Variants in VAV2 observed in about 807,000 individuals in gnomAD.
VAV2 encodes vav guanine nucleotide exchange factor 2.
Under a neutral mutation model 132.5 loss-of-function variants are expected in VAV2, and 67 were observed. The ratio of observed to expected loss-of-function variants is 0.51; its 90% CI spans 0.42 to 0.62. The LOEUF is 0.62. Among genes scored for constraint, VAV2 ranks in the 20% least tolerant of loss-of-function variants. The probability of loss-of-function intolerance (pLI) is 0.00; values close to 1 mark genes in which losing one functional copy is unlikely to be tolerated. For missense variants in VAV2, 938 were observed against 1,153.6 expected, an observed-to-expected ratio of 0.81 and a Z score of 2.71; for synonymous variants, 492 against 443.5, an observed-to-expected ratio of 1.11 and a Z score of -1.37.
chr9:133,794,671 C>G lies in VAV2; in HGVS notation c.1101+997G>C, dbSNP rs1047320847. 2.6e-5 allele frequency among the ~76,000 whole-genome samples: 4 copies of G among 152,172 alleles called. No individual in the cohort carries two copies. The highest frequency in any genetic ancestry group is 9.7e-5 in the African/African-American group (4 of 41,444). On this transcript the variant is annotated intron_variant, in intron 12 of 29. Coordinates refer to ENST00000371850, the MANE Select transcript of VAV2 (RefSeq NM_001134398.2). The surrounding 1 kb of genome is among the most constrained non-coding windows in gnomAD (Gnocchi z 4.6). The stretch of plus-strand genomic sequence containing the variant: ...GGACTGCAGCCCTGAGGGGGGCTGG[C>G]AGAGGTGTCCTGTGCTCCCGACGAG...
Position 133,969,742 on chromosome 9 carries a change from C to T in VAV2, c.204+22333G>A, listed in dbSNP as rs779531046. Among the ~76,000 whole-genome samples the T allele has an allele frequency of 3.9e-5, 6 of 152,232 alleles. No individual in the cohort carries two copies. The highest frequency in any genetic ancestry group is 1.9e-4 in the East Asian group (1 of 5,170). On this transcript the variant is annotated intron_variant, in intron 1 of 29. Transcript: ENST00000371850. The surrounding 1 kb of genome is among the most constrained non-coding windows in gnomAD (Gnocchi z 5.1). ...CCCACCCACTCCTCCTGCGCTCCAG[C>T]GGGGCCGTCCATCTCTCTCCATTCC...
intron 1 of VAV2, among the ~76,000 whole-genome samples, chr9:133,966,697 C>G (rs1278433046): frequency 2.6e-5 from 4 of 151,234 alleles, no homozygotes; most frequent in Non-Finnish European, 5.9e-5. Context: ...AAGATCCTGA[C>G]TCAAAAAACA....
rs113652093 is a variant in VAV2, at chr9:133,817,863, A to G, written c.450-5647T>C. ...TTCCTCTAAGTCCGTGACCGTATTT[A>G]TAATAGCTGCTGTGATGGCTGATTT... On this transcript the variant is annotated intron_variant, in intron 4 of 29. Coordinates refer to ENST00000371850, the MANE Select transcript of VAV2 (RefSeq NM_001134398.2). Among the ~76,000 whole-genome samples the G allele has an allele frequency of 4.0e-4, 61 of 152,264 alleles. 1 individual carries two copies. Among genetic ancestry groups the G allele is most frequent in the African/African-American group, 1.4e-3 (57 of 41,516 alleles).
At chr9:133,897,108 A>G (rs1320064071) in intron 2 of VAV2, among the ~76,000 whole-genome samples, 3 of 151,842 alleles carry the variant, frequency 2.0e-5, no homozygotes, top group African/African-American at 7.2e-5. Flanking sequence ...AAAAATCCCA[A>G]CCGAAACAGA....
At chr9:133,842,210 A>G (rs1836752369) in intron 3 of VAV2, among the ~76,000 whole-genome samples, 1 of 152,182 alleles carries the variant, frequency 6.6e-6, no homozygotes, top group Non-Finnish European at 1.5e-5. Flanking sequence ...AGGGCTTGAG[A>G]CAGTCCCTAA....
At chr9:133,810,086 G>C (rs1265742044) in intron 6 of VAV2, 105 bp downstream of exon 6, 6 of 1,523,794 alleles carry the variant, frequency 3.9e-6, no homozygotes, top group Admixed American at 1.8e-5. Context: ...ATGTCTTCCT[G>C]GGGGCAGGGT....
chr9:133,784,099 T>C (rs1257061268), intron 18 of VAV2, among the ~76,000 whole-genome samples: 1 of 152,196 alleles, frequency 6.6e-6, no homozygotes, highest in Non-Finnish European at 1.5e-5. Context: ...AGGCTGGTCC[T>C]GAACTACTGG....
Position 133,884,109 on chromosome 9 carries a change from G to A in VAV2, c.322-22677C>T, listed in dbSNP as rs1187087609. 6.6e-6 allele frequency among the ~76,000 whole-genome samples: 1 copy of A among 151,628 alleles called. No homozygotes were observed. The highest frequency in any genetic ancestry group is 1.5e-5 in the Non-Finnish European group (1 of 67,960). ...GGAGGTTGCAGTGAGCTGAGATTGC[G>A]CCACTGCATTCCAGCCTGGCAACAG... On this transcript the variant is annotated intron_variant, in intron 2 of 29. Coordinates refer to ENST00000371850, the MANE Select transcript of VAV2 (RefSeq NM_001134398.2). The surrounding 1 kb of genome is among the most constrained non-coding windows in gnomAD (Gnocchi z 5.3).
At chr9:133,871,683 TG>T (rs1211428935) in intron 2 of VAV2, among the ~76,000 whole-genome samples, 1 of 152,010 alleles carries the variant, frequency 6.6e-6, no homozygotes, top group African/African-American at 2.4e-5. Context: ...TCCCTAATGG[TG>T]GGGGGTCCCA....
intron 2 of VAV2, among the ~76,000 whole-genome samples, chr9:133,915,159 G>A (rs1344242382): frequency 2.0e-5 from 3 of 152,186 alleles, no homozygotes; most frequent in Non-Finnish European, 4.4e-5. Flanking sequence ...ACTTTCTGAC[G>A]CCTTGACTCT....
chr9:133,771,762 G>A (rs555961521), intron 26 of VAV2, among the ~76,000 whole-genome samples, 197 bp downstream of exon 26: 1 of 152,312 alleles, frequency 6.6e-6, no homozygotes, highest in East Asian at 1.9e-4. Context: ...TCAGGCTTTG[G>A]GGGTCAGAAG....
chr9:133,857,122 G>A lies in VAV2; in HGVS notation c.380+4252C>T, dbSNP rs867530989. 1.3e-5 allele frequency among the ~76,000 whole-genome samples: 2 copies of A among 152,098 alleles called. No homozygotes were observed. Among genetic ancestry groups the A allele is most frequent in the African/African-American group, 2.4e-5 (1 of 41,416 alleles). ...ACCTCCCAGCCTGAGGACACCTTTC[G>A]GTTTCCTTCTCAGGAAGTCCTACCC... On this transcript the variant is annotated intron_variant, in intron 3 of 29. Transcript: ENST00000371850. The surrounding 1 kb of genome is among the most constrained non-coding windows in gnomAD (Gnocchi z 4.0).
chr9:133,959,534 G>A (rs886917852), intron 1 of VAV2, among the ~76,000 whole-genome samples: 4 of 152,166 alleles, frequency 2.6e-5, no homozygotes, highest in Non-Finnish European at 5.9e-5. Context: ...CCAGGGCACA[G>A]AGGCACCAAG....
At chr9:133,815,826 G>C (rs1835538136) in intron 4 of VAV2, among the ~76,000 whole-genome samples, 1 of 152,202 alleles carries the variant, frequency 6.6e-6, no homozygotes, top group Non-Finnish European at 1.5e-5. Flanking sequence ...GGGTTACACA[G>C]GCTTTCTTTT....
At chr9:133,807,932 TG>T (rs1835214586) in intron 7 of VAV2, among the ~76,000 whole-genome samples, 1 of 152,022 alleles carries the variant, frequency 6.6e-6, no homozygotes, top group Non-Finnish European at 1.5e-5. Flanking sequence ...GCTCCCCGAG[TG>T]GCTCCTGGTC....
At chr9:133,915,080 C>A (rs112328741) in intron 2 of VAV2, among the ~76,000 whole-genome samples, 4 of 152,254 alleles carry the variant, frequency 2.6e-5, no homozygotes, top group African/African-American at 9.6e-5. Flanking sequence ...AAACAGGCCG[C>A]TTGGCCGGAA....
In VAV2 at chr9:133,824,214, G is replaced by A. The variant is rs2486336; in HGVS notation, c.449+10058C>T. Reference sequence around the variant, plus strand: ...ATGGCTCTGTTAACAGGGAAGGTGCGGACAGGGAGCTCCCGCCCAGCAGTC... The same window carrying A: ...ATGGCTCTGTTAACAGGGAAGGTGCAGACAGGGAGCTCCCGCCCAGCAGTC... On this transcript the variant is annotated intron_variant, in intron 4 of 29. Coordinates refer to ENST00000371850, the MANE Select transcript of VAV2 (RefSeq NM_001134398.2). The surrounding 1 kb of genome is among the most constrained non-coding windows in gnomAD (Gnocchi z 5.2). Among the ~76,000 whole-genome samples the A allele has an allele frequency of 0.012, 1,825 of 152,184 alleles. 31 individuals carry two copies. Among genetic ancestry groups the A allele is most frequent in the African/African-American group, 0.041 (1,716 of 41,514 alleles).
chr9:133,917,836 C>T (rs941528785), intron 2 of VAV2, among the ~76,000 whole-genome samples: 6 of 152,226 alleles, frequency 3.9e-5, no homozygotes, highest in Non-Finnish European at 7.3e-5. Context: ...GCTGGACCCA[C>T]ACCCTCCCGA....
chr9:133,790,394 C>G (rs1399833231), intron 13 of VAV2, among the ~76,000 whole-genome samples: 2 of 152,196 alleles, frequency 1.3e-5, no homozygotes, highest in East Asian at 1.9e-4. Context: ...CCAGGTTGGT[C>G]TCGAACTCCT....
Sources: gnomAD v4.1 joint callset for allele counts (sites outside exome capture counted in the v4.1 genomes callset) on GRCh38, gnomAD v4.1.1 for gene constraint, Gnocchi (gnomAD v3.1) non-coding constraint, MANE v1.5 for transcripts, NCBI Gene and HGNC (gene_info 2026-07-23, HGNC 2026-07-21) for gene names.